SNX25: variants seen among roughly 807,000 people sequenced by gnomAD.
SNX25 encodes sorting nexin-25.
A neutral mutation model predicts 113.7 loss-of-function variants in SNX25; 62 were observed. The ratio of observed to expected loss-of-function variants is 0.55; its 90% confidence interval spans 0.44 to 0.67. The LOEUF is 0.67. SNX25 is among the 30% of genes least tolerant of loss of function. SNX25 has a pLI of 0.00. For synonymous variants in SNX25, 421 were observed against 436.2 expected (o/e 0.97, Z 0.43); for missense variants, 1,014 against 1,161.0 (o/e 0.87, Z 1.84).
At chr4:185,224,373 A>G (rs1346709986) in intron 1 of SNX25, among the ~76,000 whole-genome samples, 6 of 146,458 alleles carry the variant, frequency 4.1e-5, no homozygotes, top group South Asian at 4.2e-4. Flanking sequence ...ATATAAAAAT[A>G]TATAGATATA....
chr4:185,366,982 A>C (rs2095390074), downstream of SNX25: 1 of 525,474 alleles, frequency 1.9e-6, no homozygotes, highest in Non-Finnish European at 3.4e-6. Context: ...GGACTCTTCC[A>C]GCAATTTGAC....
intron 15 of SNX25, among the ~76,000 whole-genome samples, chr4:185,354,981 C>T (rs1187471753): frequency 6.6e-6 from 1 of 152,234 alleles, no homozygotes; most frequent in Non-Finnish European, 1.5e-5. Flanking sequence ...ACATCAGCAC[C>T]TTTTCCCTTG....
chr4:185,357,882 G>A, intron 16 of SNX25, 145 bp downstream of exon 16: 1 of 676,808 alleles, frequency 1.5e-6, no homozygotes, highest in East Asian at 2.8e-5. Context: ...TTCTAAGATT[G>A]GATAGGAGAG....
Position 185,337,449 on chromosome 4 carries a change from T to G in SNX25, c.1915-1930T>G, listed in dbSNP as rs2095237294. Among the ~76,000 whole-genome samples the G allele has an allele frequency of 2.0e-5, 3 of 152,206 alleles. No homozygotes were observed. The South Asian group carries it at 6.2e-4, about 32-fold the overall frequency. On this transcript the variant is annotated intron_variant, in intron 10 of 18. Transcript: ENST00000652585. ...ATTGCTTTTTAAGGCTGATCATATT[T>G]CATTACATGTTTATACCACATTTTG...
the SNX25 span, among the ~76,000 whole-genome samples, chr4:185,376,443 C>CTTTTTTTTTTTTT: frequency 5.1e-4 from 54 of 105,796 alleles, no homozygotes; most frequent in African/African-American, 1.6e-3. Context: ...TGCCCAGCTA[C>CTTTTTTTTTTTTT]TTTTTTTTTT....
chr4:185,233,945 C>T (rs777036933), intron 1 of SNX25, among the ~76,000 whole-genome samples: 4 of 152,118 alleles, frequency 2.6e-5, no homozygotes, highest in Non-Finnish European at 5.9e-5. Flanking sequence ...GTAAACTCTG[C>T]CTCCCGGGTT....
intron 1 of SNX25, among the ~76,000 whole-genome samples, chr4:185,226,348 A>G (rs965781875): frequency 1.6e-4 from 24 of 152,336 alleles, no homozygotes; most frequent in African/African-American, 5.8e-4. Context: ...GTGATTCATT[A>G]ACACTTAGTT....
At chr4:185,217,204 G>T (rs571424747) in intron 1 of SNX25, among the ~76,000 whole-genome samples, 36 of 151,782 alleles carry the variant, frequency 2.4e-4, no homozygotes, top group African/African-American at 8.7e-4. Flanking sequence ...GCCGAGCCAA[G>T]GTCGCACCAC....
At chr4:185,236,124 A>C (rs1742590743) in intron 1 of SNX25, among the ~76,000 whole-genome samples, 1 of 152,212 alleles carries the variant, frequency 6.6e-6, no homozygotes, top group African/African-American at 2.4e-5. Context: ...ATTCCCTTGC[A>C]CCTACTTCTC....
intron 9 of SNX25, among the ~76,000 whole-genome samples, chr4:185,326,428 G>C (rs984407271): frequency 1.3e-5 from 2 of 152,110 alleles, no homozygotes; most frequent in Non-Finnish European, 2.9e-5. Flanking sequence ...ACCTTCTAAA[G>C]AGGACCAAAA....
chr4:185,261,646 G>A (rs1234108225), intron 3 of SNX25, among the ~76,000 whole-genome samples: 1 of 152,002 alleles, frequency 6.6e-6, no homozygotes, highest in East Asian at 1.9e-4. Flanking sequence ...CTGCTTTTGT[G>A]GATAATATAA....
rs572022648 is a variant in SNX25 at position 185,222,950 on chromosome 4, A to G, written c.429+12695A>G. Among the ~76,000 whole-genome samples the G allele has an allele frequency of 2.0e-5, 3 of 152,340 alleles. No individual in the cohort carries two copies. In the East Asian group the frequency reaches 5.8e-4, roughly 29 times the overall value. On this transcript the variant is annotated intron_variant, in intron 1 of 18. Transcript: ENST00000652585. ...TGTGATAGCATATGTAAAATAAATA[A>G]TATAATGCTTTGGATATGGAAGATG...
chr4:185,220,668 G>C (rs975050758), intron 1 of SNX25, among the ~76,000 whole-genome samples: 5 of 151,944 alleles, frequency 3.3e-5, no homozygotes, highest in African/African-American at 1.2e-4. Flanking sequence ...TTTTAGTAGA[G>C]ACGGGGTTTC....
the SNX25 span, chr4:185,378,273 C>G: frequency 1.3e-6 from 2 of 1,564,638 alleles, no homozygotes; most frequent in Middle Eastern, 1.7e-4. Context: ...AAGAGAGACT[C>G]TATTCCCACC....
chr4:185,264,790 A>G (rs1423790912), intron 4 of SNX25, among the ~76,000 whole-genome samples, 180 bp downstream of exon 4: 1 of 152,228 alleles, frequency 6.6e-6, no homozygotes, highest in African/African-American at 2.4e-5. Flanking sequence ...CATATCGCCA[A>G]ATGCACAGTC....
Position 185,351,735 on chromosome 4 carries a change from T to C in SNX25, c.2466+126T>C, listed in dbSNP as rs1212862294. 5.1e-6 allele frequency: 5 copies of C among 976,692 alleles called. No individual in the cohort carries two copies. The Middle Eastern group carries it at 8.4e-4, about 164-fold the overall frequency. The allele number at this position is 976,692 out of a possible 1,614,324, so 60.5% of individuals were successfully genotyped here. A position where few individuals can be genotyped will look rare whatever the true frequency, so the allele number is the denominator to read the frequency against. ...TAGCACTGTCACATTTTGAGGCACC[T>C]GCTTGTATTTCTGTATCTTAATTCT... On this transcript the variant is annotated intron_variant, in intron 14 of 18. Coordinates refer to ENST00000652585, the MANE Select transcript of SNX25 (RefSeq NM_001378034.2).
chr4:185,314,011 T>C (rs1337106946), intron 7 of SNX25, among the ~76,000 whole-genome samples: 1 of 152,176 alleles, frequency 6.6e-6, no homozygotes, highest in African/African-American at 2.4e-5. Context: ...ATCTTCCTGT[T>C]GTCTAGGCAG....
intron 4 of SNX25, among the ~76,000 whole-genome samples, chr4:185,266,579 C>G (rs186432049): frequency 3.3e-5 from 5 of 152,270 alleles, no homozygotes; most frequent in Non-Finnish European, 7.4e-5. Context: ...CCAGGCTGGT[C>G]TCAAACTCCT....
chr4:185,353,277 G>T, intron 14 of SNX25: 1 of 445,734 alleles, frequency 2.2e-6, no homozygotes, highest in Non-Finnish European at 4.0e-6. Context: ...TTTTAAATTA[G>T]CTTATTTTAA....
Sources: allele counts gnomAD v4.1 joint callset (sites outside exome capture counted in the v4.1 genomes callset), GRCh38; gene constraint gnomAD v4.1.1; transcripts MANE v1.5; gene names NCBI Gene and HGNC (gene_info 2026-07-23, HGNC 2026-07-21).